APBA1: variants seen among roughly 807,000 people sequenced by gnomAD.
The protein encoded by APBA1 is amyloid-beta A4 precursor protein-binding family A member 1.
In APBA1, 55 loss-of-function variants were observed where a neutral mutation model predicts 86.6. The observed-to-expected ratio is 0.64, with a 90% CI of 0.51 to 0.80. The LOEUF (loss-of-function observed/expected upper bound fraction) is 0.80, where lower values mean the gene tolerates loss of function less well. Among genes scored for constraint, APBA1 ranks in the 30% least tolerant of loss-of-function variants. APBA1 has a pLI of 0.00. For missense variants in APBA1, 1,090 were observed against 1,183.0 expected (o/e 0.92, Z 1.15); for synonymous variants, 511 against 493.9 (o/e 1.03, Z -0.46).
Position 69,452,229 on chromosome 9 carries a change from T to C in APBA1, c.1861A>G (p.Ile621Val). The C allele has an allele frequency of 6.2e-7, 1 of 1,614,208 alleles. No homozygotes were observed. Among genetic ancestry groups the C allele is most frequent in the Non-Finnish European group, 8.5e-7 (1 of 1,180,034 alleles). The change falls in exon 9 of 13, where the codon ATT becomes GTT. Residue 621 changes from isoleucine (I) to valine (V), a missense_variant. Transcript: ENST00000265381. ...AYQEFLRANG[I>V]NPEDLSQKEY... Reference sequence around the variant, plus strand: ...TTCTGGCTGAGATCTTCGGGGTTAATCCCATTGGCCCTGAGGAATTCCTGG... The same window carrying C: ...TTCTGGCTGAGATCTTCGGGGTTAACCCCATTGGCCCTGAGGAATTCCTGG...
intron 4 of APBA1, among the ~76,000 whole-genome samples, chr9:69,468,232 A>G (rs1193566098): frequency 6.6e-6 from 1 of 152,262 alleles, no homozygotes; most frequent in Non-Finnish European, 1.5e-5. Context: ...GGAACATAAA[A>G]TTCAGCAATA....
At chr9:69,505,267 G>T (rs1243811278) in intron 2 of APBA1, among the ~76,000 whole-genome samples, 1 of 152,094 alleles carries the variant, frequency 6.6e-6, no homozygotes, top group East Asian at 1.9e-4. Flanking sequence ...TTAACATAAG[G>T]CTTTGGGGTT....
intron 1 of APBA1, among the ~76,000 whole-genome samples, chr9:69,565,642 T>C (rs942620182): frequency 2.6e-5 from 4 of 152,228 alleles, no homozygotes; most frequent in African/African-American, 7.2e-5. Context: ...AGCAGTGCCA[T>C]GGCAGCTGTC....
chr9:69,447,083 A>G (rs1834922582), intron 10 of APBA1, among the ~76,000 whole-genome samples: 4 of 152,156 alleles, frequency 2.6e-5, no homozygotes, highest in Admixed American at 2.6e-4. Context: ...GCCAACTTCT[A>G]GCATCTTCAC....
intron 1 of APBA1, among the ~76,000 whole-genome samples, chr9:69,573,114 C>T (rs781575415): frequency 7.2e-5 from 11 of 151,836 alleles, no homozygotes; most frequent in Non-Finnish European, 1.3e-4. Flanking sequence ...GAGCTGAGAT[C>T]GCACCACTGC....
At chr9:69,576,055 A>G (rs1305800897) in intron 1 of APBA1, among the ~76,000 whole-genome samples, 6 of 152,258 alleles carry the variant, frequency 3.9e-5, no homozygotes, top group Non-Finnish European at 8.8e-5. Context: ...AAGGATATGA[A>G]CAGACACTTC....
At chr9:69,530,321 T>TAC (rs1377057202) in intron 1 of APBA1, among the ~76,000 whole-genome samples, 9 of 136,258 alleles carry the variant, frequency 6.6e-5, no homozygotes, top group African/African-American at 2.5e-4. Flanking sequence ...TATATATATA[T>TAC]ATATATATAC....
At position 69,428,844 on chromosome 9, in the gene APBA1, C is replaced by CCACT. The variant is rs1834536090; in HGVS notation, c.*2479_*2482dup. On this transcript the variant is annotated 3_prime_UTR_variant, in exon 13 of 13. Coordinates refer to ENST00000265381, the MANE Select transcript of APBA1 (RefSeq NM_001163.4). ...GACCTGTACCGAGCTCCAGCAACTT[C>CCACT]CACTCACTGGGTGTGAAGACACACC... is the stretch of plus-strand genomic sequence containing the variant. 6.6e-6 allele frequency: 1 copy of CCACT among 152,224 alleles called. No individual in the cohort carries two copies. The highest frequency in any genetic ancestry group is 1.5e-5 in the Non-Finnish European group (1 of 68,048). 9.4% of individuals were successfully genotyped at this position (152,224 alleles called of 1,614,324 possible).
Position 69,589,999 on chromosome 9 carries a change from T to C in APBA1, c.-69-72720A>G, listed in dbSNP as rs1033853956. On this transcript the variant is annotated intron_variant, in intron 1 of 12. Transcript: ENST00000265381. ...GGTGGGGCTCATGCCGCTCCTCCTC[T>C]GAGCTGCTCTTTTCACCCTCCTTCC... Among the ~76,000 whole-genome samples the C allele has an allele frequency of 2.0e-5, 3 of 152,292 alleles. No individual in the cohort carries two copies. The South Asian group carries it at 6.2e-4, about 32-fold the overall frequency.
chr9:69,562,502 G>A lies in APBA1; in HGVS notation c.-69-45223C>T, dbSNP rs190318952. ...TGATTCTCCTGCCTCAGCCTCCCCAGTAGCTGGGATTACAGGCACACGCCA... is the reference window on the plus strand; with the variant it reads ...TGATTCTCCTGCCTCAGCCTCCCCAATAGCTGGGATTACAGGCACACGCCA... On this transcript the variant is annotated intron_variant, in intron 1 of 12. Coordinates refer to ENST00000265381, the MANE Select transcript of APBA1 (RefSeq NM_001163.4). Among the ~76,000 whole-genome samples the A allele has an allele frequency of 4.2e-3, 644 of 151,788 alleles. 3 individuals carry two copies. The highest frequency in any genetic ancestry group is 0.015 in the African/African-American group (606 of 41,410).
intron 2 of APBA1, among the ~76,000 whole-genome samples, chr9:69,501,435 T>G (rs1054861946): frequency 2.6e-5 from 4 of 152,054 alleles, no homozygotes; most frequent in African/African-American, 9.7e-5. Context: ...GAAATTCAAT[T>G]ATCTATGATA....
At chr9:69,613,117 T>TTA (rs1822621822) in intron 1 of APBA1, among the ~76,000 whole-genome samples, 1 of 152,152 alleles carries the variant, frequency 6.6e-6, no homozygotes, top group South Asian at 2.1e-4. Flanking sequence ...ATCAAGTTGG[T>TTA]TATAATTAGA....
intron 2 of APBA1, among the ~76,000 whole-genome samples, chr9:69,498,310 T>C (rs962357984): frequency 6.6e-6 from 1 of 152,040 alleles, no homozygotes. Flanking sequence ...TCAGCATCAA[T>C]GCCCATGGGA....
At chr9:69,581,907 A>C (rs1821918645) in intron 1 of APBA1, among the ~76,000 whole-genome samples, 1 of 152,100 alleles carries the variant, frequency 6.6e-6, no homozygotes, top group African/African-American at 2.4e-5. Context: ...GGCACTCTGT[A>C]AAAGAGTGAC....
intron 2 of APBA1, among the ~76,000 whole-genome samples, chr9:69,490,153 T>G (rs995482710): frequency 4.6e-5 from 7 of 152,004 alleles, no homozygotes; most frequent in African/African-American, 1.2e-4. Context: ...CCATAAAAAA[T>G]GATGAGTTCA....
At chr9:69,500,520 C>T (rs1835865224) in intron 2 of APBA1, among the ~76,000 whole-genome samples, 2 of 152,110 alleles carry the variant, frequency 1.3e-5, no homozygotes, top group South Asian at 2.1e-4. Context: ...ATACGATGGA[C>T]ACTCTGAGCA....
chr9:69,664,784 G>C (rs1823814248), intron 1 of APBA1, among the ~76,000 whole-genome samples: 1 of 152,138 alleles, frequency 6.6e-6, no homozygotes, highest in East Asian at 1.9e-4. Context: ...TCTTACACAT[G>C]AGCATATATA....
rs772752486 is a variant in APBA1, at chr9:69,516,194, G to C, written c.1017C>G (p.Ser339Arg). The C allele has an allele frequency of 2.4e-5, 38 of 1,570,490 alleles. No homozygotes were observed. Among genetic ancestry groups the C allele is most frequent in the Non-Finnish European group, 2.6e-5 (30 of 1,158,758 alleles). The change falls in exon 2 of 13, where the codon AGC (serine) becomes AGG (arginine). Residue 339 changes from serine (S) to arginine (R), a missense_variant. This residue lies in a region of APBA1 where 678 missense variants were observed against 647.1 expected (regional missense o/e 1.05). Coordinates refer to ENST00000265381, the MANE Select transcript of APBA1 (RefSeq NM_001163.4). The surrounding 1 kb of genome is among the most constrained non-coding windows in gnomAD (Gnocchi z 7.3). ...GCGAGATGGCATCGCGCTTCTCCTT[G>C]CTGTACCGCTGCCCCGCCTCGCCGC... is the stretch of plus-strand genomic sequence containing the variant. ...AGGGEAGQRY[S>R]KEKRDAISLA...
intron 2 of APBA1, among the ~76,000 whole-genome samples, chr9:69,497,342 C>T (rs4744903): frequency 0.098 from 14,924 of 151,974 alleles, 873 homozygotes; most frequent in East Asian, 0.25. Flanking sequence ...CTCTCCTGTG[C>T]GGCTCCCCTA....
Sources: gnomAD v4.1 joint callset for allele counts (sites outside exome capture counted in the v4.1 genomes callset) on GRCh38, gnomAD v4.1.1 for gene constraint, gnomAD v4.1.1 regional missense constraint, Gnocchi (gnomAD v3.1) non-coding constraint, MANE v1.5 for transcripts, NCBI Gene and HGNC (gene_info 2026-07-23, HGNC 2026-07-21) for gene names.